The following ZEB1 variants were observed in gnomAD, a reference collection of about 807,000 sequenced individuals.
ZEB1 encodes zinc finger E-box-binding homeobox 1.
In ZEB1, 21 loss-of-function variants were observed where a neutral mutation model predicts 84.9. The ratio of observed to expected loss-of-function variants is 0.25; its 90% CI spans 0.18 to 0.36. The LOEUF (loss-of-function observed/expected upper bound fraction) is 0.36, where lower values mean the gene tolerates loss of function less well. Ranked by LOEUF, ZEB1 falls within the 10% of genes least tolerant of loss-of-function variation. The pLI is 1.00. For missense variants in ZEB1, 1,104 were observed against 1,330.2 expected (o/e 0.83, Z 2.65); for synonymous variants, 420 against 471.1 (o/e 0.89, Z 1.41).
intron 1 of ZEB1, among the ~76,000 whole-genome samples, chr10:31,411,940 G>A (rs1178067829): frequency 2.0e-5 from 3 of 152,028 alleles, no homozygotes; most frequent in African/African-American, 7.2e-5. Flanking sequence ...TGAATGTGTC[G>A]ATACAAGATT....
At chr10:31,405,550 C>T (rs1332144373) in intron 1 of ZEB1, among the ~76,000 whole-genome samples, 1 of 151,926 alleles carries the variant, frequency 6.6e-6, no homozygotes, top group East Asian at 1.9e-4. Flanking sequence ...CTTTATAGTG[C>T]TTGTAAACTT....
In ZEB1 at chr10:31,321,598, G is replaced by C. The variant is rs2132935745; in HGVS notation, c.58+2306G>C. On this transcript the variant is annotated intron_variant, in intron 1 of 8. Coordinates refer to ENST00000424869, the MANE Select transcript of ZEB1 (RefSeq NM_001174096.2). ...TTAAAATGTTGATCGCCAGAGAAAG[G>C]GGCTTTTCTTGTTGCTGACGACATG... 7 of 1,612,860 alleles carry C rather than the reference G, an allele frequency of 4.3e-6. No individual in the cohort carries two copies. In the Middle Eastern group the frequency reaches 5.0e-4, roughly 114 times the overall value.
intron 1 of ZEB1, among the ~76,000 whole-genome samples, chr10:31,371,171 C>A (rs1165396112): frequency 6.6e-6 from 1 of 152,030 alleles, no homozygotes; most frequent in African/African-American, 2.4e-5. Context: ...GAGGATCATT[C>A]TGTGGTTTTT....
At chr10:31,378,586 A>G (rs950125802) in intron 1 of ZEB1, among the ~76,000 whole-genome samples, 7 of 151,766 alleles carry the variant, frequency 4.6e-5, no homozygotes, top group African/African-American at 1.7e-4. Context: ...ATGCAATGAT[A>G]TGAAAGAAGA....
intron 1 of ZEB1, among the ~76,000 whole-genome samples, chr10:31,329,056 T>C (rs150166025): frequency 1.3e-5 from 2 of 152,160 alleles, no homozygotes; most frequent in Admixed American, 6.6e-5. Context: ...CAATAAGATA[T>C]ACCACTATGC....
chr10:31,341,548 G>T (rs567075347), intron 1 of ZEB1, among the ~76,000 whole-genome samples: 1 of 152,280 alleles, frequency 6.6e-6, no homozygotes, highest in South Asian at 2.1e-4. Flanking sequence ...GGCTAACAAG[G>T]CAGTTAACCT....
At chr10:31,442,148 G>A (rs1460915583) in intron 1 of ZEB1, among the ~76,000 whole-genome samples, 1 of 152,168 alleles carries the variant, frequency 6.6e-6, no homozygotes, top group Non-Finnish European at 1.5e-5. Flanking sequence ...GCAAAGACTT[G>A]GAACCAACCC....
intron 1 of ZEB1, 180 bp downstream of exon 1, chr10:31,319,472 G>T: frequency 1.6e-6 from 1 of 636,300 alleles, no homozygotes; most frequent in Non-Finnish European, 2.7e-6. Context: ...TGCCGGAGCC[G>T]CGCCGCGGCC....
intron 1 of ZEB1, among the ~76,000 whole-genome samples, chr10:31,442,123 G>A (rs531283988): frequency 9.8e-5 from 15 of 152,302 alleles, no homozygotes; most frequent in African/African-American, 3.4e-4. Context: ...GTTGATTGCG[G>A]CACTATTCAC....
intron 1 of ZEB1, among the ~76,000 whole-genome samples, chr10:31,353,698 A>T (rs1373714578): frequency 6.6e-6 from 1 of 152,232 alleles, no homozygotes; most frequent in East Asian, 1.9e-4. Context: ...ATTTTAAAAC[A>T]GGTACTGAAT....
At chr10:31,447,569 T>G in intron 1 of ZEB1, among the ~76,000 whole-genome samples, 1 of 136,710 alleles carries the variant, frequency 7.3e-6, no homozygotes, top group Non-Finnish European at 1.6e-5. Context: ...TTCCTTTCCA[T>G]GTTTAGTGCT....
intron 3 of ZEB1, among the ~76,000 whole-genome samples, chr10:31,500,604 T>C (rs1322880797): frequency 6.6e-6 from 1 of 152,220 alleles, no homozygotes; most frequent in East Asian, 1.9e-4. Flanking sequence ...TTTTGAACTT[T>C]ACTCCTTTGG....
At chr10:31,510,526 A>G in intron 4 of ZEB1, 147 bp from the exon 5 acceptor site, 1 of 673,258 alleles carries the variant, frequency 1.5e-6, no homozygotes, top group South Asian at 1.7e-5. Flanking sequence ...CTCTTATAAA[A>G]TAGAGATGAG....
rs116682188 is a variant in ZEB1 at position 31,476,026 on chromosome 10, G to A, written c.259+14789G>A. The stretch of plus-strand genomic sequence containing the variant: ...TAAAAGAAGCAGGACTTAACCATCT[G>A]CTGCCTACCAGAGACCCACCTAATG... On this transcript the variant is annotated intron_variant, in intron 2 of 8. Coordinates refer to ENST00000424869, the MANE Select transcript of ZEB1 (RefSeq NM_001174096.2). 7.0e-3 allele frequency among the ~76,000 whole-genome samples: 1,059 copies of A among 152,094 alleles called. 11 individuals are homozygous for A. The highest frequency in any genetic ancestry group is 0.023 in the African/African-American group (974 of 41,502).
intron 1 of ZEB1, among the ~76,000 whole-genome samples, chr10:31,429,410 C>T (rs141289329): frequency 1.8e-3 from 273 of 152,042 alleles, no homozygotes; most frequent in Non-Finnish European, 2.8e-3. Context: ...TGTAGGGTTT[C>T]GGAGGCCATT....
chr10:31,346,735 C>A (rs1370968566), intron 1 of ZEB1, among the ~76,000 whole-genome samples: 1 of 151,914 alleles, frequency 6.6e-6, no homozygotes, highest in Non-Finnish European at 1.5e-5. Context: ...TCTGGTTGTT[C>A]TTATTGTGTG....
At chr10:31,325,859 T>C (rs1353550515) in intron 1 of ZEB1, among the ~76,000 whole-genome samples, 2 of 151,920 alleles carry the variant, frequency 1.3e-5, no homozygotes, top group Non-Finnish European at 2.9e-5. Context: ...ATTATTTATA[T>C]ATCTGTTACT....
chr10:31,497,685 C>T (rs1202912020), intron 3 of ZEB1, among the ~76,000 whole-genome samples: 1 of 152,060 alleles, frequency 6.6e-6, no homozygotes, highest in African/African-American at 2.4e-5. Context: ...GTACAGCAGT[C>T]GCCATCATTA....
chr10:31,361,721 G>A (rs1412734577), intron 1 of ZEB1, among the ~76,000 whole-genome samples: 2 of 151,526 alleles, frequency 1.3e-5, no homozygotes, highest in Non-Finnish European at 1.5e-5. Flanking sequence ...CAGATGGGAC[G>A]GTGGCCGGGC....
Sources: gnomAD v4.1 joint callset for allele counts (sites outside exome capture counted in the v4.1 genomes callset) on GRCh38, gnomAD v4.1.1 for gene constraint, MANE v1.5 for transcripts, NCBI Gene and HGNC (gene_info 2026-07-23, HGNC 2026-07-21) for gene names.